VTI1B: variants seen among roughly 807,000 people sequenced by gnomAD.
The protein encoded by VTI1B is vesicle transport through interaction with t-SNAREs 1B, also known as vesicle transport through interaction with t-SNAREs homolog 1B.
Under a neutral mutation model 28.6 loss-of-function variants are expected in VTI1B, and 18 were observed. That is an observed-to-expected ratio of 0.63 (90% CI 0.43 to 0.93). The LOEUF is 0.93. Ranked by LOEUF, VTI1B falls within the 40% of genes least tolerant of loss-of-function variation. The probability of loss-of-function intolerance (pLI) is 0.00; values close to 1 mark genes in which losing one functional copy is unlikely to be tolerated. For synonymous variants in VTI1B, 100 were observed against 107.9 expected, an observed-to-expected ratio of 0.93 and a Z score of 0.46; for missense variants, 283 against 297.0, an observed-to-expected ratio of 0.95 and a Z score of 0.35.
chr14:67,648,267 A>C lies in VTI1B; in HGVS notation c.*3118T>G. The C allele has an allele frequency of 6.9e-7, 1 of 1,454,936 alleles. No homozygotes were observed. The highest frequency in any genetic ancestry group is 9.3e-7 in the Non-Finnish European group (1 of 1,075,010). 90.1% of individuals were successfully genotyped at this position (1,454,936 alleles called of 1,614,324 possible). ...TTGCCTGCAAAGGATCTTTTCTGCT[A>C]TTCCACATCATTGCAGAGTTTGTTT... On this transcript the variant is annotated 3_prime_UTR_variant, in exon 6 of 6. Transcript: ENST00000554659.
chr14:67,674,249 T>TA lies in VTI1B; in HGVS notation c.115+125dup, dbSNP rs1030102292. 54 of 859,142 alleles carry TA rather than the reference T, an allele frequency of 6.3e-5. 2 individuals carry two copies. In the African/African-American group the frequency reaches 8.8e-4, roughly 14 times the overall value. The allele number at this position is 859,142 out of a possible 1,614,324, so 53.2% of individuals were successfully genotyped here. A position where few individuals can be genotyped will look rare whatever the true frequency, so the allele number is the denominator to read the frequency against. ...ACCTGGGGCTGGGACAAGCCAGCCC[T>TA]AGGGGGCGTGTCTGAGGACGCGGAG... On this transcript the variant is annotated intron_variant, in intron 1 of 5. Coordinates refer to ENST00000554659, the MANE Select transcript of VTI1B (RefSeq NM_006370.3).
intron 5 of VTI1B, 37 bp downstream of exon 5, chr14:67,653,400 G>A (rs1566810056): frequency 6.9e-6 from 11 of 1,592,974 alleles, no homozygotes; most frequent in Non-Finnish European, 9.5e-6. Context: ...GAAAGCCACT[G>A]AGTTAAGAGA....
chr14:67,656,366 G>C, intron 4 of VTI1B, 50 bp downstream of exon 4: 2 of 1,469,362 alleles, frequency 1.4e-6, no homozygotes, highest in Non-Finnish European at 1.8e-6. Flanking sequence ...AGGTGCAGTG[G>C]CCCCCTAATT....
chr14:67,658,291 T>C (rs1200727186), intron 3 of VTI1B, among the ~76,000 whole-genome samples: 1 of 152,180 alleles, frequency 6.6e-6, no homozygotes, highest in East Asian at 1.9e-4. Context: ...ACCTAAATTA[T>C]GTTTTAATAA....
intron 1 of VTI1B, among the ~76,000 whole-genome samples, chr14:67,671,906 GC>G (rs1210936249): frequency 1.3e-5 from 2 of 152,182 alleles, no homozygotes; most frequent in African/African-American, 4.8e-5. Context: ...TGAGGATGGA[GC>G]CCTCATGGTC....
rs182056691 is a variant in VTI1B at position 67,661,680 on chromosome 14, C to T, written c.174+797G>A. Among the ~76,000 whole-genome samples the T allele has an allele frequency of 3.2e-4, 48 of 151,974 alleles. No homozygotes were observed. The East Asian group carries it at 8.7e-3, about 28-fold the overall frequency. ...CTGAGTAGCTGGGTCCAGAGGCATG[C>T]ACCACCAAACCTCGGTAATTTTTTT... On this transcript the variant is annotated intron_variant, in intron 2 of 5. Coordinates refer to ENST00000554659, the MANE Select transcript of VTI1B (RefSeq NM_006370.3).
intron 3 of VTI1B, among the ~76,000 whole-genome samples, chr14:67,658,748 A>G (rs1415009789): frequency 6.6e-6 from 1 of 152,188 alleles, no homozygotes; most frequent in Non-Finnish European, 1.5e-5. Context: ...TCCCTTTACA[A>G]GTGATCTTCT....
intron 2 of VTI1B, among the ~76,000 whole-genome samples, chr14:67,662,139 G>C (rs967107929): frequency 6.6e-6 from 1 of 150,828 alleles, no homozygotes; most frequent in African/African-American, 2.5e-5. Context: ...TTGGGCAACA[G>C]AGCGAGACTC....
In VTI1B at chr14:67,648,082, A is replaced by T. The variant is rs1177494953; in HGVS notation, c.*3303T>A. ...CCAATCCATTTGAGTTTTGATATTG[A>T]TGCATTTGACCCTACACTGGCTCCA... On this transcript the variant is annotated 3_prime_UTR_variant, in exon 6 of 6. Transcript: ENST00000554659. 1 of 1,613,742 alleles carries T rather than the reference A, an allele frequency of 6.2e-7. No homozygotes were observed. Among genetic ancestry groups the T allele is most frequent in the Non-Finnish European group, 8.5e-7 (1 of 1,179,766 alleles).
At chr14:67,654,367 T>C (rs1349985153) in intron 4 of VTI1B, among the ~76,000 whole-genome samples, 3 of 152,110 alleles carry the variant, frequency 2.0e-5, no homozygotes, top group Admixed American at 2.0e-4. Flanking sequence ...GGTTTCAAAC[T>C]CCTAGGCTCA....
intron 1 of VTI1B, among the ~76,000 whole-genome samples, chr14:67,664,410 C>T (rs1019728931): frequency 6.6e-6 from 1 of 152,144 alleles, no homozygotes. Context: ...TGCTGTTGCA[C>T]GTATGGGGAT....
intron 1 of VTI1B, among the ~76,000 whole-genome samples, chr14:67,665,500 T>C (rs2037391394): frequency 6.6e-6 from 1 of 152,060 alleles, no homozygotes; most frequent in African/African-American, 2.4e-5. Flanking sequence ...ACTCCTGGGC[T>C]CAGGCAATCC....
Position 67,651,073 on chromosome 14 carries a change from G to C in VTI1B, c.*312C>G. The C allele has an allele frequency of 1.0e-6, 1 of 1,000,068 alleles. No individual in the cohort carries two copies. Among genetic ancestry groups the C allele is most frequent in the East Asian group, 2.6e-5 (1 of 38,310 alleles). The allele number at this position is 1,000,068 out of a possible 1,614,324, so 61.9% of individuals were successfully genotyped here. ...AATTGTAAAGTTTCCCCTCTATTTT[G>C]GTGACCAATACTACTGTAAATGTAT... On this transcript the variant is annotated 3_prime_UTR_variant, in exon 6 of 6. Coordinates refer to ENST00000554659, the MANE Select transcript of VTI1B (RefSeq NM_006370.3).
At chr14:67,673,259 G>A (rs2037491313) in intron 1 of VTI1B, among the ~76,000 whole-genome samples, 1 of 152,098 alleles carries the variant, frequency 6.6e-6, no homozygotes, top group African/African-American at 2.4e-5. Flanking sequence ...CAGGAGAATT[G>A]CTTCAATCTG....
chr14:67,657,378 T>C (rs1446105361), intron 3 of VTI1B, among the ~76,000 whole-genome samples: 1 of 152,176 alleles, frequency 6.6e-6, no homozygotes, highest in Admixed American at 6.5e-5. Flanking sequence ...TGATTTGGTC[T>C]CAGGGAAATT....
At position 67,664,343 on chromosome 14, in the gene VTI1B, A is replaced by G. The variant is rs547364446; in HGVS notation, c.116-1808T>C. 5.3e-5 allele frequency among the ~76,000 whole-genome samples: 8 copies of G among 152,292 alleles called. No homozygotes were observed. In the South Asian group the frequency reaches 1.7e-3, roughly 32 times the overall value. On this transcript the variant is annotated intron_variant, in intron 1 of 5. Transcript: ENST00000554659. ...GGTACACCATTAAGTGGAATCATAC[A>G]ATATTTGTCCTTTGTGTTTAGCTTA...
rs374057800 is a variant in VTI1B at position 67,653,925 on chromosome 14, T to A, written c.541-427A>T. Among the ~76,000 whole-genome samples the A allele has an allele frequency of 1.6e-4, 25 of 152,320 alleles. 1 individual carries two copies. Among genetic ancestry groups the A allele is most frequent in the African/African-American group, 5.8e-4 (24 of 41,568 alleles). ...CTGTTACTGCTTTTGGGATCTGGTT[T>A]TTTTCTTTACCCTCTTAAGAGACAG... On this transcript the variant is annotated intron_variant, in intron 4 of 5. Transcript: ENST00000554659.
At chr14:67,660,952 A>G (rs1042917726) in intron 2 of VTI1B, among the ~76,000 whole-genome samples, 5 of 152,230 alleles carry the variant, frequency 3.3e-5, no homozygotes, top group Admixed American at 2.6e-4. Flanking sequence ...TACTCCCATT[A>G]GGAAGAAGAT....
At position 67,674,400 on chromosome 14, in the gene VTI1B, C is replaced by T; in HGVS notation, c.90G>A (p.Glu30=). 6.2e-7 allele frequency: 1 copy of T among 1,604,294 alleles called. No individual in the cohort carries two copies. The highest frequency in any genetic ancestry group is 1.1e-5 in the South Asian group (1 of 89,946). The change falls in exon 1 of 6, where the codon GAG becomes GAA. Residue 30 remains glutamate, a synonymous_variant. Coordinates refer to ENST00000554659, the MANE Select transcript of VTI1B (RefSeq NM_006370.3). ...CGGTCCCCGCCGTCCCCAGCAGCCG[C>T]TCGGGCACCCCTTGTAGGTCTTCAT... ...GLHEDLQGVP[E]RLLGTAGTEE...
Sources: allele counts gnomAD v4.1 joint callset (sites outside exome capture counted in the v4.1 genomes callset), GRCh38; gene constraint gnomAD v4.1.1; transcripts MANE v1.5; gene names NCBI Gene and HGNC (gene_info 2026-07-23, HGNC 2026-07-21).